Variants in PISD observed in about 807,000 individuals in gnomAD.
PISD encodes phosphatidylserine decarboxylase.
Under a neutral mutation model 43.5 loss-of-function variants are expected in PISD, and 31 were observed. The observed-to-expected ratio is 0.71, with a 90% CI of 0.54 to 0.96. The LOEUF (loss-of-function observed/expected upper bound fraction) is 0.96, where lower values mean the gene tolerates loss of function less well. PISD is among the 40% of genes least tolerant of loss of function. The pLI is 0.00. For missense variants in PISD, 523 were observed against 548.4 expected (o/e 0.95, Z 0.46); for synonymous variants, 259 against 228.7 (o/e 1.13, Z -1.20).
At chr22:31,625,293 G>C (rs1392486483) in intron 3 of PISD, among the ~76,000 whole-genome samples, 3 of 152,246 alleles carry the variant, frequency 2.0e-5, no homozygotes, top group Non-Finnish European at 2.9e-5. Context: ...AAAGGTCCAG[G>C]AAGGTGGCAG....
At chr22:31,661,362 G>T (rs1172568672) in intron 1 of PISD, among the ~76,000 whole-genome samples, 1 of 151,116 alleles carries the variant, frequency 6.6e-6, no homozygotes, top group African/African-American at 2.5e-5. Flanking sequence ...TCTTTGAAAT[G>T]ACACCAGGCA....
Position 31,630,348 on chromosome 22 carries a change from TTCCCCAGGCGGCCTGCCCCCAGGCC to T in PISD, c.322-8488_322-8464del, listed in dbSNP as rs1192213377. On this transcript the variant is annotated intron_variant, in intron 3 of 7. Coordinates refer to ENST00000439502, the MANE Select transcript of PISD (RefSeq NM_001326411.2). The surrounding 1 kb of genome is among the most constrained non-coding windows in gnomAD (Gnocchi z 4.4). ...TCCCTGGCCCTCGGGCGCCGCCCTC[TTCCCCAGGCGGCCTGCCCCCAGGCC>T]CTCCGGCAGCACCAAGGAGACGGAG... Among the ~76,000 whole-genome samples the T allele has an allele frequency of 6.6e-6, 1 of 151,998 alleles. No homozygotes were observed. Among genetic ancestry groups the T allele is most frequent in the African/African-American group, 2.4e-5 (1 of 41,404 alleles).
rs1240301095 is a variant in PISD, at chr22:31,621,787, G to A, written c.420C>T (p.Tyr140=). ...ELPHWLRRPV[Y]SLYIWTFGVN... is the part of the protein sequence containing the mutation. ...CCCCAAACGTCCAGATGTACAGGCT[G>A]TAGACGGGCCTGCGCAGCCAGTGTG... is the stretch of plus-strand genomic sequence containing the variant. The change falls in exon 4 of 8, where the codon TAC becomes TAT. Residue 140 remains tyrosine (Y), a synonymous_variant. Coordinates refer to ENST00000439502, the MANE Select transcript of PISD (RefSeq NM_001326411.2). The A allele has an allele frequency of 3.7e-6, 6 of 1,613,910 alleles. No homozygotes were observed. In the African/African-American group the frequency reaches 8.0e-5, roughly 22 times the overall value.
chr22:31,627,515 AAC>A (rs869178627), intron 3 of PISD, among the ~76,000 whole-genome samples: 1 of 151,446 alleles, frequency 6.6e-6, no homozygotes, highest in South Asian at 2.1e-4. Context: ...CTGCCCAGGA[AAC>A]AGGGGTGATA....
rs945963739 is a variant in PISD, at chr22:31,658,843, T to G, written c.65+3301A>C. 2.7e-5 allele frequency among the ~76,000 whole-genome samples: 4 copies of G among 149,110 alleles called. No homozygotes were observed. The Admixed American group carries it at 2.7e-4, about 10-fold the overall frequency. ...CCACCACACCTGGCCAGTTGCACTA[T>G]TTTTTCTTTTTCTTTTTTTTTTTTT... On this transcript the variant is annotated intron_variant, in intron 1 of 7. Coordinates refer to ENST00000439502, the MANE Select transcript of PISD (RefSeq NM_001326411.2).
intron 3 of PISD, among the ~76,000 whole-genome samples, chr22:31,637,148 AAAAAAAAAAAAAAAAAATATATAT>A (rs1482259956): frequency 6.2e-5 from 1 of 16,180 alleles, no homozygotes; most frequent in African/African-American, 2.4e-4. Flanking sequence ...TAAATTAAAA[AAAAAAAAAAAAAAAAAATATATAT>A]ATATATATAT....
At chr22:31,629,294 G>C in intron 3 of PISD, 1 of 891,728 alleles carries the variant, frequency 1.1e-6, no homozygotes, top group Non-Finnish European at 1.3e-6. Context: ...GCAGGTGCAA[G>C]GGTATGTGCA....
chr22:31,648,462 G>C (rs902642947), intron 2 of PISD, among the ~76,000 whole-genome samples, 186 bp from the exon 3 acceptor site: 16 of 151,990 alleles, frequency 1.1e-4, no homozygotes, highest in African/African-American at 3.9e-4. Flanking sequence ...CGGATCACGA[G>C]GTCAGGAGAT....
intron 3 of PISD, among the ~76,000 whole-genome samples, chr22:31,637,077 C>T (rs921163151): frequency 6.9e-6 from 1 of 145,872 alleles, no homozygotes; most frequent in Non-Finnish European, 1.5e-5. Flanking sequence ...CACTTGAGCC[C>T]AGGAGGTTGA....
chr22:31,629,561 AGGG>A (rs989180079), intron 3 of PISD: 1 of 82,904 alleles, frequency 1.2e-5, no homozygotes, highest in Non-Finnish European at 2.3e-5. Context: ...GTGTGCCTGT[AGGG>A]GGCGCGTGCG....
In PISD at chr22:31,647,298, A is replaced by G. The variant is rs1459203791; in HGVS notation, c.321+803T>C. ...ACACAGCTACTGCGGAGCATGGTTGAGACTTGCCTTCAGCATCCTAATGCC... is the reference window on the plus strand; with the variant it reads ...ACACAGCTACTGCGGAGCATGGTTGGGACTTGCCTTCAGCATCCTAATGCC... On this transcript the variant is annotated intron_variant, in intron 3 of 7. Coordinates refer to ENST00000439502, the MANE Select transcript of PISD (RefSeq NM_001326411.2). Among the ~76,000 whole-genome samples the G allele has an allele frequency of 2.0e-5, 3 of 152,304 alleles. No individual in the cohort carries two copies. The East Asian group carries it at 5.8e-4, about 29-fold the overall frequency.
Position 31,650,776 on chromosome 22 carries a change from A to T in PISD, c.68T>A (p.Leu23His). 1 of 1,542,758 alleles carries T rather than the reference A, an allele frequency of 6.5e-7. No individual in the cohort carries two copies. Among genetic ancestry groups the T allele is most frequent in the Non-Finnish European group, 8.8e-7 (1 of 1,142,114 alleles). Residue 23 changes from leucine (L) to histidine (H), a missense_variant and splice_region_variant, in exon 2 of 8, where the codon CTC becomes CAC. Physicochemically the swap from Leu to His is moderately conservative, Grantham distance 99 (BLOSUM62 -3). Transcript: ENST00000439502. ...LHGVAPWRSS[L>H]HPCEITALSQ... The stretch of plus-strand genomic sequence containing the variant: ...CAGGGCAGTGATCTCACAGGGATGG[A>T]GGCTATAACCAAGCAAAAATGAACC...
At chr22:31,660,098 T>G (rs907465219) in intron 1 of PISD, among the ~76,000 whole-genome samples, 1 of 152,168 alleles carries the variant, frequency 6.6e-6, no homozygotes, top group Non-Finnish European at 1.5e-5. Context: ...AAGGTTTTCA[T>G]TTACATGTCT....
chr22:31,641,743 C>T (rs1487927605), intron 3 of PISD, among the ~76,000 whole-genome samples: 7 of 151,076 alleles, frequency 4.6e-5, no homozygotes, highest in Admixed American at 3.9e-4. Flanking sequence ...CTGCTTGAAC[C>T]CGGGAGGCGC....
intron 3 of PISD, chr22:31,623,654 T>G: frequency 1.9e-6 from 3 of 1,592,948 alleles, no homozygotes; most frequent in Non-Finnish European, 2.6e-6. Flanking sequence ...GGAAGGGAGG[T>G]CCGAGCCACA....
At chr22:31,642,077 A>G (rs1569489376) in intron 3 of PISD, among the ~76,000 whole-genome samples, 1 of 151,118 alleles carries the variant, frequency 6.6e-6, no homozygotes, top group Non-Finnish European at 1.5e-5. Flanking sequence ...TCATGGTGGC[A>G]AAGACCACCA....
At chr22:31,637,572 T>C (rs2147739301) in intron 3 of PISD, among the ~76,000 whole-genome samples, 1 of 152,148 alleles carries the variant, frequency 6.6e-6, no homozygotes. Flanking sequence ...AGAGACCCAT[T>C]CAGGCACTCA....
chr22:31,648,918 C>G (rs2147787330), intron 2 of PISD, among the ~76,000 whole-genome samples: 1 of 152,220 alleles, frequency 6.6e-6, no homozygotes, highest in Non-Finnish European at 1.5e-5. Flanking sequence ...AGGTGGTCAC[C>G]AACAGGTCCA....
chr22:31,654,338 T>G (rs1042381791), intron 1 of PISD, among the ~76,000 whole-genome samples: 79 of 152,274 alleles, frequency 5.2e-4, no homozygotes, highest in Non-Finnish European at 1.0e-4. Flanking sequence ...ATTCTTGCCA[T>G]GCCCAGGGTT....
Sources: allele counts gnomAD v4.1 joint callset (sites outside exome capture counted in the v4.1 genomes callset), GRCh38; gene constraint gnomAD v4.1.1; non-coding constraint Gnocchi (gnomAD v3.1); transcripts MANE v1.5; gene names NCBI Gene and HGNC (gene_info 2026-07-23, HGNC 2026-07-21).